Variants in NWD2 observed in about 807,000 individuals in gnomAD.
The protein encoded by NWD2 is NACHT and WD repeat domain containing 2.
In NWD2, 37 loss-of-function variants were observed where a neutral mutation model predicts 132.7. The ratio of observed to expected loss-of-function variants is 0.28; its 90% CI spans 0.21 to 0.37. NWD2 has a LOEUF of 0.37. Among genes scored for constraint, NWD2 ranks in the 10% least tolerant of loss-of-function variants. The pLI is 1.00. For synonymous variants in NWD2, 705 were observed against 803.0 expected, an observed-to-expected ratio of 0.88 and a Z score of 2.06; for missense variants, 1,592 against 2,122.4, an observed-to-expected ratio of 0.75 and a Z score of 4.91.
intron 3 of NWD2, among the ~76,000 whole-genome samples, chr4:37,395,491 C>T (rs1168802905): frequency 7.2e-6 from 1 of 139,124 alleles, no homozygotes; most frequent in African/African-American, 2.6e-5. Context: ...AGTCCCACAC[C>T]CAGTTTAAAG....
intron 1 of NWD2, among the ~76,000 whole-genome samples, chr4:37,296,112 A>G (rs1166949518): frequency 6.6e-6 from 1 of 152,104 alleles, no homozygotes; most frequent in Non-Finnish European, 1.5e-5. Context: ...TCCTAAGTCT[A>G]TTTCATGCCA....
At chr4:37,260,791 T>C (rs1428890458) in intron 1 of NWD2, among the ~76,000 whole-genome samples, 2 of 152,108 alleles carry the variant, frequency 1.3e-5, no homozygotes, top group Non-Finnish European at 2.9e-5. Flanking sequence ...ATCATTGAGT[T>C]TGGGATAAGG....
chr4:37,294,087 CTT>C (rs1389048051), intron 1 of NWD2, among the ~76,000 whole-genome samples: 1 of 152,074 alleles, frequency 6.6e-6, no homozygotes, highest in African/African-American at 2.4e-5. Flanking sequence ...GAAAGGAAGA[CTT>C]TCTTTGTTGT....
At chr4:37,437,870 A>G (rs1484665305) in intron 5 of NWD2, among the ~76,000 whole-genome samples, 1 of 152,114 alleles carries the variant, frequency 6.6e-6, no homozygotes, top group Non-Finnish European at 1.5e-5. Context: ...GTTATATACT[A>G]AGTCACTTTT....
Position 37,443,213 on chromosome 4 carries a change from A to T in NWD2, c.1297-72A>T, listed in dbSNP as rs1712531436. On this transcript the variant is annotated intron_variant, in intron 6 of 6. Coordinates refer to ENST00000309447, the MANE Select transcript of NWD2 (RefSeq NM_001144990.2). This position sits in a 1 kb window ranked among gnomAD's most constrained non-coding sequence, Gnocchi z 4.1. Reference sequence around the variant, plus strand: ...AGGAGACCAGAAATCTGAGCTCTGGAGAGAGGCAATGTTATCACATATGAC... The same window carrying T: ...AGGAGACCAGAAATCTGAGCTCTGGTGAGAGGCAATGTTATCACATATGAC... 4 of 1,309,402 alleles carry T rather than the reference A, an allele frequency of 3.1e-6. No homozygotes were observed. Among genetic ancestry groups the T allele is most frequent in the Admixed American group, 2.3e-5 (1 of 43,624 alleles). The allele number at this position is 1,309,402 out of a possible 1,614,324, so 81.1% of individuals were successfully genotyped here.
chr4:37,372,742 G>A (rs935799641), intron 3 of NWD2, among the ~76,000 whole-genome samples: 5 of 152,140 alleles, frequency 3.3e-5, no homozygotes, highest in South Asian at 4.1e-4. Flanking sequence ...CTACTGCCGC[G>A]TATCTTAAGT....
At chr4:37,296,880 A>G (rs1293611889) in intron 1 of NWD2, among the ~76,000 whole-genome samples, 1 of 152,228 alleles carries the variant, frequency 6.6e-6, no homozygotes, top group Non-Finnish European at 1.5e-5. Flanking sequence ...AAAGGCTCAC[A>G]GGAACCTAGC....
chr4:37,444,761 C>T lies in NWD2; in HGVS notation c.2773C>T (p.Leu925=), dbSNP rs1321001604. 8 of 1,551,856 alleles carry T rather than the reference C, an allele frequency of 5.2e-6. No homozygotes were observed. Among genetic ancestry groups the T allele is most frequent in the Middle Eastern group, 1.7e-4 (1 of 6,020 alleles). ...AAGACTGCTGCCTGTTGTAAGCTCC[C>T]TGCCCAAACTTAGACATCTTCTTTT... ...QQRLLPVVSS[L]PKLRHLLLEC... Residue 925 remains leucine (L), a synonymous_variant, in exon 7 of 7, where the codon CTG becomes TTG. Coordinates refer to ENST00000309447, the MANE Select transcript of NWD2 (RefSeq NM_001144990.2). The surrounding 1 kb of genome is among the most constrained non-coding windows in gnomAD (Gnocchi z 4.8).
intron 2 of NWD2, among the ~76,000 whole-genome samples, chr4:37,339,816 C>T (rs1281179690): frequency 6.6e-6 from 1 of 152,170 alleles, no homozygotes; most frequent in Non-Finnish European, 1.5e-5. Context: ...TCTCATTTCT[C>T]ACTCCCTCTC....
chr4:37,352,446 A>C (rs1316844892), intron 2 of NWD2, among the ~76,000 whole-genome samples: 1 of 151,768 alleles, frequency 6.6e-6, no homozygotes, highest in Non-Finnish European at 1.5e-5. Context: ...TCATCTGTCT[A>C]ATATTGACAG....
At chr4:37,416,923 A>G (rs1453328934) in intron 3 of NWD2, among the ~76,000 whole-genome samples, 3 of 152,006 alleles carry the variant, frequency 2.0e-5, no homozygotes, top group Non-Finnish European at 4.4e-5. Flanking sequence ...AGAATGATAC[A>G]ATGGACTTTG....
At chr4:37,383,405 A>C (rs1720495479) in intron 3 of NWD2, among the ~76,000 whole-genome samples, 1 of 152,220 alleles carries the variant, frequency 6.6e-6, no homozygotes, top group Non-Finnish European at 1.5e-5. Context: ...TTTCAAATAA[A>C]TTGTGCCTTT....
At chr4:37,379,457 T>G (rs1171712468) in intron 3 of NWD2, among the ~76,000 whole-genome samples, 2 of 152,176 alleles carry the variant, frequency 1.3e-5, no homozygotes, top group East Asian at 3.8e-4. Flanking sequence ...AATAGCCTAG[T>G]TTCAGGGTAC....
chr4:37,439,375 T>C lies in NWD2; in HGVS notation c.1281T>C (p.Ala427=), dbSNP rs76039408. The change falls in exon 6 of 7, where the codon GCT becomes GCC. Residue 427 remains alanine, a synonymous_variant. Coordinates refer to ENST00000309447, the MANE Select transcript of NWD2 (RefSeq NM_001144990.2). This position sits in a 1 kb window ranked among gnomAD's most constrained non-coding sequence, Gnocchi z 4.5. Reference sequence around the variant, plus strand: ...GCACTGGGAAGACCCTTCTGCTAGCTGAAGTAGCAAAGAAGGTAAAAGCCT... The same window carrying C: ...GCACTGGGAAGACCCTTCTGCTAGCCGAAGTAGCAAAGAAGGTAAAAGCCT... ...GPCTGKTLLL[A]EVAKKAYGWL... The C allele has an allele frequency of 2.9e-3, 4,248 of 1,467,094 alleles. 99 individuals carry two copies. The African/African-American group carries it at 0.054, about 19-fold the overall frequency. 90.9% of individuals were successfully genotyped at this position (1,467,094 alleles called of 1,614,324 possible). A position where few individuals can be genotyped will look rare whatever the true frequency, so the allele number is the denominator to read the frequency against.
intron 3 of NWD2, among the ~76,000 whole-genome samples, chr4:37,413,447 T>C (rs1721202719): frequency 6.6e-6 from 1 of 152,060 alleles, no homozygotes; most frequent in African/African-American, 2.4e-5. Context: ...GTTAGAATGG[T>C]GATCATTAAA....
chr4:37,310,363 A>C (rs1469446263), intron 1 of NWD2, among the ~76,000 whole-genome samples: 1 of 152,214 alleles, frequency 6.6e-6, no homozygotes, highest in African/African-American at 2.4e-5. Flanking sequence ...TTACCTTGGT[A>C]GTACCAGAAA....
rs1162155288 is a variant in NWD2 at position 37,446,339 on chromosome 4, G to A, written c.4351G>A (p.Val1451Met). 7 of 1,551,742 alleles carry A rather than the reference G, an allele frequency of 4.5e-6. No individual in the cohort carries two copies. The highest frequency in any genetic ancestry group is 6.1e-6 in the Non-Finnish European group (7 of 1,147,052). Reference sequence around the variant, plus strand: ...CTTTATTACCTCCGCAAATACCTTCGTGGTGGGAATGACTAAAAGCAAAGT... The same window carrying A: ...CTTTATTACCTCCGCAAATACCTTCATGGTGGGAATGACTAAAAGCAAAGT... ...NAFITSANTF[V>M]VGMTKSKVLA... The change falls in exon 7 of 7, where the codon GTG becomes ATG. Residue 1451 changes from valine to methionine, a missense_variant. Transcript: ENST00000309447. The surrounding 1 kb of genome is among the most constrained non-coding windows in gnomAD (Gnocchi z 6.7).
At chr4:37,386,313 A>G (rs902899097) in intron 3 of NWD2, among the ~76,000 whole-genome samples, 3 of 152,200 alleles carry the variant, frequency 2.0e-5, no homozygotes, top group Admixed American at 6.5e-5. Context: ...TTAAATTGAC[A>G]TGAAACCATC....
intron 3 of NWD2, among the ~76,000 whole-genome samples, chr4:37,416,458 T>C (rs1404011774): frequency 1.3e-5 from 2 of 152,096 alleles, no homozygotes; most frequent in Non-Finnish European, 1.5e-5. Context: ...AAATAATAGA[T>C]GTTGGTGTGG....
Sources: gnomAD v4.1 joint callset for allele counts (sites outside exome capture counted in the v4.1 genomes callset) on GRCh38, gnomAD v4.1.1 for gene constraint, Gnocchi (gnomAD v3.1) non-coding constraint, MANE v1.5 for transcripts, NCBI Gene and HGNC (gene_info 2026-07-23, HGNC 2026-07-21) for gene names.